NRF1: variants seen among roughly 807,000 people sequenced by gnomAD.
NRF1 encodes alpha palindromic-binding protein.
NRF1 carries 5 observed loss-of-function variants against 58.5 expected under a neutral mutation model. The observed-to-expected ratio is 0.09, with a 90% CI of 0.04 to 0.18. NRF1 has a LOEUF of 0.18. NRF1 is among the 10% of genes least tolerant of loss of function. The pLI is 1.00. For synonymous variants in NRF1, 224 were observed against 246.7 expected (o/e 0.91, Z 0.86); for missense variants, 288 against 657.7 (o/e 0.44, Z 6.15).
chr7:129,750,364 G>C (rs1184981358), intron 10 of NRF1, among the ~76,000 whole-genome samples: 1 of 152,194 alleles, frequency 6.6e-6, no homozygotes, highest in Non-Finnish European at 1.5e-5. Flanking sequence ...GGGCACGCTG[G>C]GTTTCCAGGC....
At chr7:129,752,467 A>G (rs1466577223) in intron 10 of NRF1, among the ~76,000 whole-genome samples, 1 of 152,236 alleles carries the variant, frequency 6.6e-6, no homozygotes, top group Non-Finnish European at 1.5e-5. Context: ...CTTGAAGACC[A>G]TGCTAAATCA....
At chr7:129,640,347 C>A (rs1254095281) in intron 1 of NRF1, among the ~76,000 whole-genome samples, 1 of 146,706 alleles carries the variant, frequency 6.8e-6, no homozygotes, top group African/African-American at 2.5e-5. Flanking sequence ...GAGACCTGGT[C>A]CCTACAAAAA....
intron 5 of NRF1, among the ~76,000 whole-genome samples, chr7:129,693,089 C>G (rs1802608019): frequency 6.6e-6 from 1 of 152,142 alleles, no homozygotes; most frequent in African/African-American, 2.4e-5. Flanking sequence ...TACTTCTGTT[C>G]AGTATAGCTG....
intron 1 of NRF1, among the ~76,000 whole-genome samples, chr7:129,625,883 C>T (rs938842008): frequency 4.6e-5 from 7 of 152,046 alleles, no homozygotes; most frequent in African/African-American, 1.7e-4. Flanking sequence ...GGGGTTTCAC[C>T]ATGTTAGCCA....
chr7:129,677,007 A>ATTTTTTTTTT (rs56059756), intron 3 of NRF1, among the ~76,000 whole-genome samples: 3 of 113,546 alleles, frequency 2.6e-5, no homozygotes, highest in Non-Finnish European at 5.2e-5. Context: ...TCTTGGTTGC[A>ATTTTTTTTTT]TTTTTTTTTT....
chr7:129,714,177 T>C (rs1357404320), intron 8 of NRF1, among the ~76,000 whole-genome samples: 2 of 152,360 alleles, frequency 1.3e-5, no homozygotes, highest in East Asian at 3.9e-4. Flanking sequence ...AAATCTCTTC[T>C]CTGTTTCTCC....
chr7:129,749,150 C>T (rs768306382), intron 10 of NRF1, among the ~76,000 whole-genome samples: 7 of 152,110 alleles, frequency 4.6e-5, no homozygotes, highest in Non-Finnish European at 7.4e-5. Context: ...TCACTTTGTA[C>T]GGAAGTTTTA....
At chr7:129,724,844 T>C (rs1476815088) in intron 9 of NRF1, among the ~76,000 whole-genome samples, 1 of 152,142 alleles carries the variant, frequency 6.6e-6, no homozygotes, top group African/African-American at 2.4e-5. Context: ...AAAATGGATC[T>C]AAGACCTAAA....
At chr7:129,746,057 C>T (rs979739640) in intron 10 of NRF1, among the ~76,000 whole-genome samples, 1 of 152,178 alleles carries the variant, frequency 6.6e-6, no homozygotes, top group African/African-American at 2.4e-5. Flanking sequence ...CTGAAAAGCA[C>T]CCTGTGCACC....
rs754223551 is a variant in NRF1 at position 129,619,433 on chromosome 7, T to TACACAC, written c.-7+7619_-7+7624dup. Among the ~76,000 whole-genome samples, 187 of 65,726 alleles carry TACACAC rather than the reference T, an allele frequency of 2.8e-3. 4 individuals are homozygous for TACACAC. The highest frequency in any genetic ancestry group is 0.011 in the Middle Eastern group (1 of 90). The allele number at this position is 65,726 out of a possible 152,430, so 43.1% of individuals were successfully genotyped here. On this transcript the variant is annotated intron_variant, in intron 1 of 10. Transcript: ENST00000393232. ...ATATATATATATATATATATATATATACACACACACACACATATATATACA... is the reference window on the plus strand; with the variant it reads ...ATATATATATATATATATATATATATACACACACACACACACACACATATATATACA...
intron 9 of NRF1, among the ~76,000 whole-genome samples, chr7:129,725,545 T>C (rs886350784): frequency 3.9e-5 from 6 of 152,310 alleles, no homozygotes; most frequent in Non-Finnish European, 5.9e-5. Flanking sequence ...CAGGCTGGTC[T>C]CGAACTCCCG....
intron 9 of NRF1, among the ~76,000 whole-genome samples, chr7:129,724,024 T>C (rs1203329626): frequency 2.6e-5 from 4 of 152,180 alleles, no homozygotes; most frequent in Non-Finnish European, 5.9e-5. Context: ...TTCTTGGATA[T>C]GGCAAAGGAA....
intron 1 of NRF1, among the ~76,000 whole-genome samples, chr7:129,642,039 CACAACCTCGGCTCACT>C (rs1310797429): frequency 2.7e-5 from 4 of 150,704 alleles, no homozygotes; most frequent in Admixed American, 6.6e-5. Flanking sequence ...AGTGCAGTGG[CACAACCTCGGCTCACT>C]GCAACCTCCG....
Position 129,680,359 on chromosome 7 carries a change from G to A in NRF1, c.465+2601G>A, listed in dbSNP as rs77806965. Among the ~76,000 whole-genome samples the A allele has an allele frequency of 9.1e-3, 1,384 of 152,232 alleles. 4 individuals carry two copies. The highest frequency in any genetic ancestry group is 0.017 in the Middle Eastern group (5 of 294). ...ATTTGGAGAAAGAAAAAGCAAAATG[G>A]TACAGCTGCTTTGGAAAACAATTTG... is the stretch of plus-strand genomic sequence containing the variant. On this transcript the variant is annotated intron_variant, in intron 4 of 10. Coordinates refer to ENST00000393232, the MANE Select transcript of NRF1 (RefSeq NM_005011.5).
At chr7:129,627,022 A>G (rs899053354) in intron 1 of NRF1, among the ~76,000 whole-genome samples, 3 of 152,230 alleles carry the variant, frequency 2.0e-5, no homozygotes, top group Non-Finnish European at 4.4e-5. Flanking sequence ...TAAGTATTAC[A>G]TGCACATGGT....
intron 10 of NRF1, among the ~76,000 whole-genome samples, chr7:129,742,199 C>T (rs926923293): frequency 2.7e-5 from 4 of 150,480 alleles, no homozygotes; most frequent in African/African-American, 7.3e-5. Flanking sequence ...TATAATTACA[C>T]CAAATCTTCA....
chr7:129,683,315 G>C (rs1173085998), intron 4 of NRF1, among the ~76,000 whole-genome samples: 1 of 144,570 alleles, frequency 6.9e-6, no homozygotes, highest in Admixed American at 7.0e-5. Context: ...GTGTGTGTGT[G>C]TGTGTGAGAG....
intron 9 of NRF1, among the ~76,000 whole-genome samples, chr7:129,718,743 A>T (rs1346852228): frequency 6.6e-6 from 1 of 152,214 alleles, no homozygotes; most frequent in Non-Finnish European, 1.5e-5. Flanking sequence ...ATGGATTTGT[A>T]TACAGTTCAC....
intron 1 of NRF1, among the ~76,000 whole-genome samples, chr7:129,651,092 C>T (rs1330862844): frequency 6.6e-6 from 1 of 152,072 alleles, no homozygotes; most frequent in Non-Finnish European, 1.5e-5. Flanking sequence ...TCAGAAATAC[C>T]TTTGCCTTTG....
Sources: allele counts gnomAD v4.1 joint callset (sites outside exome capture counted in the v4.1 genomes callset), GRCh38; gene constraint gnomAD v4.1.1; transcripts MANE v1.5; gene names NCBI Gene and HGNC (gene_info 2026-07-23, HGNC 2026-07-21).